Variants in TARS2 observed in about 807,000 individuals in gnomAD.
TARS2 encodes threonyl-tRNA synthetase 2, mitochondrial.
A neutral mutation model predicts 94.4 loss-of-function variants in TARS2; 61 were observed. The ratio of observed to expected loss-of-function variants is 0.65; its 90% CI spans 0.53 to 0.80. TARS2 has a LOEUF of 0.80. Among genes scored for constraint, TARS2 ranks in the 30% least tolerant of loss-of-function variants. The pLI is 0.00. For synonymous variants in TARS2, 359 were observed against 353.4 expected, an observed-to-expected ratio of 1.02 and a Z score of -0.18; for missense variants, 704 against 902.5, an observed-to-expected ratio of 0.78 and a Z score of 2.82.
intron 13 of TARS2, among the ~76,000 whole-genome samples, chr1:150,501,889 T>G (rs1255951787): frequency 6.6e-6 from 1 of 151,980 alleles, no homozygotes; most frequent in African/African-American, 2.4e-5. Flanking sequence ...AATCTTTTTT[T>G]TGTTTGTTTT....
At chr1:150,489,963 G>T (rs1222562316) in intron 3 of TARS2, among the ~76,000 whole-genome samples, 2 of 151,952 alleles carry the variant, frequency 1.3e-5, no homozygotes, top group African/African-American at 4.8e-5. Context: ...TTATTCTGAA[G>T]CCCTAAAAGC....
intron 2 of TARS2, 102 bp from the exon 3 acceptor site, chr1:150,488,862 C>T (rs1312101314): frequency 1.3e-6 from 2 of 1,489,676 alleles, no homozygotes; most frequent in Non-Finnish European, 1.8e-6. Context: ...ACTGTGAGAT[C>T]AACTTTTTAA....
At chr1:150,490,812 A>G (rs1318509208) in intron 4 of TARS2, 87 bp downstream of exon 4, 2 of 1,574,630 alleles carry the variant, frequency 1.3e-6, no homozygotes, top group East Asian at 2.3e-5. Context: ...CATTTGGATG[A>G]GGAAGCTGGA....
chr1:150,506,062 TGAG>T (rs3834087), intron 17 of TARS2, among the ~76,000 whole-genome samples: 7,198 of 152,166 alleles, frequency 0.047, 424 homozygotes, highest in African/African-American at 0.13. Context: ...CCCTAAGGGA[TGAG>T]GAGAAAGGCC....
intron 13 of TARS2, among the ~76,000 whole-genome samples, chr1:150,503,543 A>ATG (rs1491485877): frequency 7.8e-4 from 48 of 61,280 alleles, no homozygotes; most frequent in Non-Finnish European, 1.1e-3. Context: ...AAAAATACAC[A>ATG]TATGTGTGTG....
In TARS2 at chr1:150,487,454, G is replaced by C. The variant is rs756811374; in HGVS notation, c.4G>C (p.Ala2Pro). 6 of 1,614,110 alleles carry C rather than the reference G, an allele frequency of 3.7e-6. No homozygotes were observed. The highest frequency in any genetic ancestry group is 1.3e-5 in the African/African-American group (1 of 74,942). Reference protein sequence around the residue: MALYQRWRCLRL... With the variant: MPLYQRWRCLRL... The stretch of plus-strand genomic sequence containing the variant: ...GTAGGCACTGGTGTGAAGGAACATG[G>C]CCCTGTATCAGAGGTGGCGGTGTCT... The change falls in exon 1 of 18, where the codon GCC becomes CCC. Residue 2 changes from alanine to proline, a missense_variant. Around this residue, in one of 3 missense-constraint regions of TARS2, gnomAD observed 208 missense variants for 228.5 expected, o/e 0.91. Transcript: ENST00000369064.
chr1:150,500,057 C>T (rs1669844544), intron 13 of TARS2, among the ~76,000 whole-genome samples: 1 of 151,662 alleles, frequency 6.6e-6, no homozygotes, highest in Admixed American at 6.6e-5. Context: ...TGCCTGTGGT[C>T]CCAGCTACCC....
intron 13 of TARS2, among the ~76,000 whole-genome samples, chr1:150,502,078 A>G (rs937321052): frequency 6.7e-6 from 1 of 149,386 alleles, no homozygotes; most frequent in African/African-American, 2.5e-5. Flanking sequence ...ACGCCCGGCT[A>G]ATTTTTGTAT....
chr1:150,497,831 C>G, intron 10 of TARS2, 84 bp downstream of exon 10: 1 of 1,398,350 alleles, frequency 7.2e-7, no homozygotes, highest in South Asian at 1.4e-5. Flanking sequence ...GTGGCTCACG[C>G]CTGTAATCCC....
rs879566639 is a variant in TARS2, at chr1:150,503,569, G to A, written c.1618-766G>A. On this transcript the variant is annotated intron_variant, in intron 13 of 17. Coordinates refer to ENST00000369064, the MANE Select transcript of TARS2 (RefSeq NM_025150.5). ...TATGTGTGTGTGTGTGTGTGTGTGT[G>A]TGTGTGTGTATATATATGTGTGTGT... is the stretch of plus-strand genomic sequence containing the variant. Among the ~76,000 whole-genome samples the A allele has an allele frequency of 6.4e-3, 618 of 96,496 alleles. 2 individuals are homozygous for A. The highest frequency in any genetic ancestry group is 9.3e-3 in the Non-Finnish European group (431 of 46,516). 63.3% of individuals were successfully genotyped at this position (96,496 alleles called of 152,430 possible).
Position 150,507,074 on chromosome 1 carries a change from C to G in TARS2, c.*10C>G. 1 of 1,613,756 alleles carries G rather than the reference C, an allele frequency of 6.2e-7. No individual in the cohort carries two copies. The highest frequency in any genetic ancestry group is 1.3e-5 in the African/African-American group (1 of 75,020). The stretch of plus-strand genomic sequence containing the variant: ...CGAAGAAATTTTCTGAGCCTTTGTA[C>G]ATAGATGAGGCAAAAACCTGCGAGT... On this transcript the variant is annotated 3_prime_UTR_variant, in exon 18 of 18. Transcript: ENST00000369064.
Position 150,487,850 on chromosome 1 carries a change from C to T in TARS2, c.67-8C>T, listed in dbSNP as rs199888824. On this transcript the variant is annotated splice_region_variant and splice_polypyrimidine_tract_variant and intron_variant, in intron 1 of 17. Transcript: ENST00000369064. ...GTGTGTTACCTGCTAATATATCTTT[C>T]CCTCCAGGCAGTTGTGTCGACCCCT... The T allele has an allele frequency of 6.2e-7, 1 of 1,610,030 alleles. No individual in the cohort carries two copies. The highest frequency in any genetic ancestry group is 1.7e-5 in the Admixed American group (1 of 59,384).
At chr1:150,496,406 A>G in intron 7 of TARS2, 76 bp from the exon 8 acceptor site, 1 of 1,507,474 alleles carries the variant, frequency 6.6e-7, no homozygotes, top group Non-Finnish European at 8.9e-7. Context: ...TAACACTGAG[A>G]GTATCATTTG....
Position 150,497,725 on chromosome 1 carries a change from C to A in TARS2, c.1216C>A (p.Pro406Thr), listed in dbSNP as rs1320735773. 1 of 1,614,040 alleles carries A rather than the reference C, an allele frequency of 6.2e-7. No individual in the cohort carries two copies. ...TATCACAGATACACTCGCCCTCAAG[C>A]CTATGAACTGCCCTGCACACTGGTA... ...RHITDTLALK[P>T]MNCPAHCLMF... The change falls in exon 10 of 18, where the codon CCT becomes ACT. Residue 406 changes from proline to threonine, a missense_variant. Physicochemically the swap from Pro to Thr is conservative, Grantham distance 38. Around this residue, in one of 3 missense-constraint regions of TARS2, gnomAD observed 466 missense variants for 609.5 expected, o/e 0.76. Coordinates refer to ENST00000369064, the MANE Select transcript of TARS2 (RefSeq NM_025150.5).
chr1:150,503,544 T>TAA (rs1670017001), intron 13 of TARS2, among the ~76,000 whole-genome samples: 1 of 62,928 alleles, frequency 1.6e-5, no homozygotes, highest in East Asian at 4.4e-4. Flanking sequence ...AAAATACACA[T>TAA]ATGTGTGTGT....
In TARS2 at chr1:150,495,259, G is replaced by A. The variant is rs202093671; in HGVS notation, c.775-1223G>A. On this transcript the variant is annotated intron_variant, in intron 7 of 17. Transcript: ENST00000369064. ...ACTTGGGAGGCTGAGGCAGGAGAATGGCGTGAACCTGGGAGGCGGAGCTTG... is the reference window on the plus strand; with the variant it reads ...ACTTGGGAGGCTGAGGCAGGAGAATAGCGTGAACCTGGGAGGCGGAGCTTG... 3.3e-5 allele frequency among the ~76,000 whole-genome samples: 5 copies of A among 150,688 alleles called. No homozygotes were observed. In the East Asian group the frequency reaches 1.0e-3, roughly 30 times the overall value.
rs1322679303 is a variant in TARS2, at chr1:150,507,024, T to G, written c.2117T>G (p.Leu706Arg). ...LPEAVQRLVE[L>R]QNTRVPNAEE... ...GAGGCTGTGCAGCGACTGGTGGAGC[T>G]ACAGAACACGAGGGTCCCAAATGCC... The change falls in exon 18 of 18, where the codon CTA (leucine) becomes CGA (arginine). Residue 706 changes from leucine to arginine, a missense_variant. Physicochemically the swap from Leu to Arg is moderately radical, Grantham distance 102. This residue lies in a region of TARS2 where 466 missense variants were observed against 609.5 expected (regional missense o/e 0.76). Coordinates refer to ENST00000369064, the MANE Select transcript of TARS2 (RefSeq NM_025150.5). 1 of 1,613,936 alleles carries G rather than the reference T, an allele frequency of 6.2e-7. No individual in the cohort carries two copies. Among genetic ancestry groups the G allele is most frequent in the East Asian group, 2.2e-5 (1 of 44,882 alleles).
At chr1:150,506,565 A>G (rs965192600) in intron 17 of TARS2, among the ~76,000 whole-genome samples, 1 of 103,458 alleles carries the variant, frequency 9.7e-6, no homozygotes, top group Non-Finnish European at 1.9e-5. Flanking sequence ...GCTTGACTCT[A>G]ATGTCTCTGA....
intron 16 of TARS2, 35 bp downstream of exon 16, chr1:150,505,013 G>A (rs769896062): frequency 6.8e-6 from 11 of 1,610,298 alleles, no homozygotes; most frequent in Non-Finnish European, 9.3e-6. Flanking sequence ...GGCAGAAGCA[G>A]GTCCAGTAGA....
Sources: gnomAD v4.1 joint callset for allele counts (sites outside exome capture counted in the v4.1 genomes callset) on GRCh38, gnomAD v4.1.1 for gene constraint, gnomAD v4.1.1 regional missense constraint, MANE v1.5 for transcripts, NCBI Gene and HGNC (gene_info 2026-07-23, HGNC 2026-07-21) for gene names.